RFTN1: variants seen among roughly 807,000 people sequenced by gnomAD.
RFTN1 encodes the protein raftlin.
A neutral mutation model predicts 46.5 loss-of-function variants in RFTN1; 26 were observed. The observed-to-expected ratio is 0.56, with a 90% CI of 0.41 to 0.78. The LOEUF (loss-of-function observed/expected upper bound fraction) is 0.78. Among genes scored for constraint, RFTN1 ranks in the 30% least tolerant of loss-of-function variants. The pLI is 0.00. For synonymous variants in RFTN1, 261 were observed against 284.2 expected (o/e 0.92, Z 0.82); for missense variants, 693 against 718.7 (o/e 0.96, Z 0.41).
chr3:16,358,672 A>G (rs2072626746), intron 6 of RFTN1, among the ~76,000 whole-genome samples: 1 of 152,150 alleles, frequency 6.6e-6, no homozygotes, highest in Admixed American at 6.5e-5. Flanking sequence ...AGCTCTGCAC[A>G]ATTCGACAAG....
At chr3:16,358,942 G>A (rs1224209453) in intron 6 of RFTN1, among the ~76,000 whole-genome samples, 1 of 148,598 alleles carries the variant, frequency 6.7e-6, no homozygotes. Flanking sequence ...TGAGGCAGGA[G>A]AATCGCTTGA....
intron 4 of RFTN1, among the ~76,000 whole-genome samples, chr3:16,389,613 C>T (rs2074299629): frequency 6.6e-6 from 1 of 152,114 alleles, no homozygotes; most frequent in Admixed American, 6.5e-5. Flanking sequence ...CACTTCTCGC[C>T]TTCATTTTTA....
At chr3:16,339,773 A>C (rs1346515694) in intron 7 of RFTN1, 1 of 152,228 alleles carries the variant, frequency 6.6e-6, no homozygotes, top group Non-Finnish European at 1.5e-5. Flanking sequence ...CCACAAAGGC[A>C]AGGAGTTTAT....
intron 6 of RFTN1, among the ~76,000 whole-genome samples, chr3:16,368,373 T>C (rs2073331271): frequency 6.6e-6 from 1 of 152,158 alleles, no homozygotes; most frequent in African/African-American, 2.4e-5. Flanking sequence ...TTAGTTGTAT[T>C]AAAGACACGT....
chr3:16,430,247 A>T (rs1575278094), intron 3 of RFTN1, among the ~76,000 whole-genome samples: 2 of 152,030 alleles, frequency 1.3e-5, no homozygotes, highest in African/African-American at 4.8e-5. Flanking sequence ...GGTAGCTGGG[A>T]CTACAGGCGT....
chr3:16,361,524 C>G lies in RFTN1; in HGVS notation c.1031-3477G>C, dbSNP rs577688291. Among the ~76,000 whole-genome samples the G allele has an allele frequency of 2.0e-5, 3 of 152,080 alleles. No individual in the cohort carries two copies. Among genetic ancestry groups the G allele is most frequent in the African/African-American group, 7.2e-5 (3 of 41,386 alleles). On this transcript the variant is annotated intron_variant, in intron 6 of 9. Coordinates refer to ENST00000334133, the MANE Select transcript of RFTN1 (RefSeq NM_015150.2). The surrounding 1 kb of genome is among the most constrained non-coding windows in gnomAD (Gnocchi z 4.3). ...TTGAAAGAGGCATCAGGGTAGGGCTCCCCACTTCGAGTGAACTAAGCAAGC... is the reference window on the plus strand; with the variant it reads ...TTGAAAGAGGCATCAGGGTAGGGCTGCCCACTTCGAGTGAACTAAGCAAGC...
At chr3:16,366,234 C>T (rs1442483348) in intron 6 of RFTN1, among the ~76,000 whole-genome samples, 4 of 119,458 alleles carry the variant, frequency 3.3e-5, no homozygotes, top group Non-Finnish European at 6.7e-5. Flanking sequence ...CAGAGGCCTT[C>T]GTGAAAAATC....
At chr3:16,491,495 G>C (rs1293634124) in intron 2 of RFTN1, among the ~76,000 whole-genome samples, 1 of 152,170 alleles carries the variant, frequency 6.6e-6, no homozygotes, top group African/African-American at 2.4e-5. Flanking sequence ...TCATTATAAT[G>C]GGTGTATGTT....
At chr3:16,365,207 C>T (rs1429547565) in intron 6 of RFTN1, among the ~76,000 whole-genome samples, 2 of 152,182 alleles carry the variant, frequency 1.3e-5, no homozygotes, top group Admixed American at 6.5e-5. Context: ...ATCAGAAACA[C>T]CTGGTACTAC....
intron 2 of RFTN1, among the ~76,000 whole-genome samples, chr3:16,492,847 C>G (rs137938175): frequency 2.2e-4 from 34 of 152,344 alleles, no homozygotes; most frequent in Middle Eastern, 3.4e-3. Context: ...GACTTCCCCC[C>G]CAACACTGGC....
intron 4 of RFTN1, among the ~76,000 whole-genome samples, chr3:16,403,780 T>TTA (rs375105042): frequency 0.16 from 1,744 of 11,138 alleles, 288 homozygotes; most frequent in East Asian, 0.2. Flanking sequence ...ATAATATATA[T>TTA]TATATATTTT....
chr3:16,433,185 T>A lies in RFTN1; in HGVS notation c.332+666A>T, dbSNP rs78713250. Among the ~76,000 whole-genome samples the A allele has an allele frequency of 0.08, 12,062 of 150,214 alleles. 530 individuals carry two copies. Among genetic ancestry groups the A allele is most frequent in the Middle Eastern group, 0.15 (43 of 292 alleles). Reference sequence around the variant, plus strand: ...TCCCATCCTCACTGTTTTTTTTTTTTAAAAAAATTAATATTGTTCCTTTTG... The same window carrying A: ...TCCCATCCTCACTGTTTTTTTTTTTAAAAAAAATTAATATTGTTCCTTTTG... On this transcript the variant is annotated intron_variant, in intron 3 of 9. Coordinates refer to ENST00000334133, the MANE Select transcript of RFTN1 (RefSeq NM_015150.2). The surrounding 1 kb of genome is among the most constrained non-coding windows in gnomAD (Gnocchi z 4.4).
At chr3:16,391,525 A>T (rs1361065166) in intron 4 of RFTN1, among the ~76,000 whole-genome samples, 2 of 152,234 alleles carry the variant, frequency 1.3e-5, no homozygotes, top group African/African-American at 4.8e-5. Context: ...TTTTAACCTT[A>T]AAAGGAAAAC....
intron 1 of RFTN1, among the ~76,000 whole-genome samples, chr3:16,511,294 G>A (rs957258658): frequency 6.6e-6 from 1 of 152,144 alleles, no homozygotes; most frequent in Non-Finnish European, 1.5e-5. Flanking sequence ...TTATCTTAAG[G>A]AAACCATAAG....
In RFTN1 at chr3:16,348,067, C is replaced by T. The variant is rs2071854065; in HGVS notation, c.1146+9865G>A. On this transcript the variant is annotated intron_variant, in intron 7 of 9. Coordinates refer to ENST00000334133, the MANE Select transcript of RFTN1 (RefSeq NM_015150.2). This position sits in a 1 kb window ranked among gnomAD's most constrained non-coding sequence, Gnocchi z 6.3. ...GCTCAGAGTTGTCCCCATCTGAGGC[C>T]AGGGAGCAGGGCTTTCATACACCCA... 6.6e-6 allele frequency: 1 copy of T among 152,136 alleles called. No homozygotes were observed. Among genetic ancestry groups the T allele is most frequent in the Non-Finnish European group, 1.5e-5 (1 of 68,042 alleles). 9.4% of individuals were successfully genotyped at this position (152,136 alleles called of 1,614,324 possible). A position where few individuals can be genotyped will look rare whatever the true frequency, so the allele number is the denominator to read the frequency against.
Position 16,329,788 on chromosome 3 carries a change from C to T in RFTN1, c.1147-2912G>A, listed in dbSNP as rs1414367018. ...ACTTTATCAAGCACTGTGACAAACC[C>T]GCCACAATCAGACAGTAGCCATGGC... On this transcript the variant is annotated intron_variant, in intron 7 of 9. Transcript: ENST00000334133. The surrounding 1 kb of genome is among the most constrained non-coding windows in gnomAD (Gnocchi z 4.5). Among the ~76,000 whole-genome samples, 3 of 152,142 alleles carry T rather than the reference C, an allele frequency of 2.0e-5. No individual in the cohort carries two copies. Among genetic ancestry groups the T allele is most frequent in the Non-Finnish European group, 4.4e-5 (3 of 68,042 alleles).
rs2073956497 is a variant in RFTN1 at position 16,380,648 on chromosome 3, C to T, written c.442-2546G>A. Among the ~76,000 whole-genome samples the T allele has an allele frequency of 1.3e-5, 2 of 152,178 alleles. No individual in the cohort carries two copies. Among genetic ancestry groups the T allele is most frequent in the Non-Finnish European group, 2.9e-5 (2 of 68,030 alleles). Reference sequence around the variant, plus strand: ...TAGAAATGCAAATTCTCAGGCCCCACCACAGACCTACTGAGTCAGAAACTC... The same window carrying T: ...TAGAAATGCAAATTCTCAGGCCCCATCACAGACCTACTGAGTCAGAAACTC... On this transcript the variant is annotated intron_variant, in intron 4 of 9. Coordinates refer to ENST00000334133, the MANE Select transcript of RFTN1 (RefSeq NM_015150.2). The surrounding 1 kb of genome is among the most constrained non-coding windows in gnomAD (Gnocchi z 4.8).
intron 2 of RFTN1, among the ~76,000 whole-genome samples, chr3:16,491,889 C>T (rs2124989554): frequency 6.6e-6 from 1 of 152,256 alleles, no homozygotes; most frequent in South Asian, 2.1e-4. Context: ...CCTAGACACG[C>T]TTTTGTTTTT....
At position 16,481,211 on chromosome 3, in the gene RFTN1, C is replaced by T. The variant is rs116837268; in HGVS notation, c.145+12514G>A. Among the ~76,000 whole-genome samples the T allele has an allele frequency of 8.7e-3, 1,329 of 152,276 alleles. 18 individuals carry two copies. Among genetic ancestry groups the T allele is most frequent in the African/African-American group, 0.031 (1,268 of 41,532 alleles). On this transcript the variant is annotated intron_variant, in intron 2 of 9. Coordinates refer to ENST00000334133, the MANE Select transcript of RFTN1 (RefSeq NM_015150.2). The surrounding 1 kb of genome is among the most constrained non-coding windows in gnomAD (Gnocchi z 5.1). ...CATTAGTGAATATTTAACAATAACA[C>T]TAACGCTAATAGCAGACTTGGTCGC...
Sources: gnomAD v4.1 joint callset for allele counts (sites outside exome capture counted in the v4.1 genomes callset) on GRCh38, gnomAD v4.1.1 for gene constraint, Gnocchi (gnomAD v3.1) non-coding constraint, MANE v1.5 for transcripts, NCBI Gene and HGNC (gene_info 2026-07-23, HGNC 2026-07-21) for gene names.